Variants in C5 observed in about 807,000 individuals in gnomAD.
C5 encodes the protein complement C5, also known as C3 and PZP-like alpha-2-macroglobulin domain-containing protein 4.
Under a neutral mutation model 218.8 loss-of-function variants are expected in C5, and 140 were observed. The ratio of observed to expected loss-of-function variants is 0.64; its 90% CI spans 0.56 to 0.74. The LOEUF is 0.74. Ranked by LOEUF, C5 falls within the 30% of genes least tolerant of loss-of-function variation. The probability of loss-of-function intolerance (pLI) is 0.00; values close to 1 mark genes in which losing one functional copy is unlikely to be tolerated. For missense variants in C5, 1,700 were observed against 1,969.6 expected (o/e 0.86, Z 2.59); for synonymous variants, 614 against 682.3 (o/e 0.90, Z 1.56).
At chr9:120,987,229 T>C (rs1488635180) in intron 25 of C5, among the ~76,000 whole-genome samples, 4 of 152,034 alleles carry the variant, frequency 2.6e-5, no homozygotes, top group African/African-American at 9.7e-5. Flanking sequence ...CCTTGAGACA[T>C]TGATTAGGGG....
At chr9:121,072,465 C>T in the C5 span, among the ~76,000 whole-genome samples, 1 of 152,008 alleles carries the variant, frequency 6.6e-6, no homozygotes, top group Non-Finnish European at 1.5e-5. Context: ...AACTCAGCAA[C>T]GTACACATTC....
Position 120,974,834 on chromosome 9 carries a change from C to T in C5, c.3962G>A (p.Gly1321Asp), listed in dbSNP as rs149947699. The T allele has an allele frequency of 1.9e-6, 3 of 1,613,894 alleles. No individual in the cohort carries two copies. Among genetic ancestry groups the T allele is most frequent in the African/African-American group, 1.3e-5 (1 of 74,926 alleles). Residue 1321 changes from glycine (G) to aspartate (D), a missense_variant, in exon 30 of 41, where the codon GGT (glycine) becomes GAT (aspartate). Transcript: ENST00000223642. ...MDIDVSYKHK[G>D]ALHNYKMTDK... Reference sequence around the variant, plus strand: ...TGTCATTTTATAATTATGTAAGGCACCTTTATGCTTGTAAGAAACATCGAT... The same window carrying T: ...TGTCATTTTATAATTATGTAAGGCATCTTTATGCTTGTAAGAAACATCGAT...
At position 121,037,955 on chromosome 9, in the gene C5, T is replaced by A; in HGVS notation, c.422-4A>T. 7.2e-7 allele frequency: 1 copy of A among 1,397,836 alleles called. No homozygotes were observed. The highest frequency in any genetic ancestry group is 1.0e-6 in the Non-Finnish European group (1 of 1,003,464). 86.6% of individuals were successfully genotyped at this position (1,397,836 alleles called of 1,614,324 possible). On this transcript the variant is annotated splice_polypyrimidine_tract_variant and splice_region_variant and intron_variant, in intron 3 of 40. Coordinates refer to ENST00000223642, the MANE Select transcript of C5 (RefSeq NM_001735.3). Reference sequence around the variant, plus strand: ...AACGAATAAACTCTAACTTTTACTGTAAGAATAATTGATATAATCAAAAAC... The same window carrying A: ...AACGAATAAACTCTAACTTTTACTGAAAGAATAATTGATATAATCAAAAAC...
intron 25 of C5, among the ~76,000 whole-genome samples, chr9:120,986,122 T>C (rs2047030999): frequency 6.6e-6 from 1 of 152,196 alleles, no homozygotes; most frequent in Non-Finnish European, 1.5e-5. Flanking sequence ...TGCTGGCTCC[T>C]GAATTAACCT....
At chr9:121,018,476 AG>A (rs1268151123) in intron 12 of C5, among the ~76,000 whole-genome samples, 19 of 151,234 alleles carry the variant, frequency 1.3e-4, no homozygotes, top group Admixed American at 1.3e-3. Context: ...CGGAAGGCTG[AG>A]GCAGGAGAAT....
At position 120,976,873 on chromosome 9, in the gene C5, T is replaced by G. The variant is rs1400531039; in HGVS notation, c.3691A>C (p.Asn1231His). Reference protein sequence around the residue: ...NPPIYRFWKDNLQHKDSSVPN... With the variant: ...NPPIYRFWKDHLQHKDSSVPN... The stretch of plus-strand genomic sequence containing the variant: ...ACAGAGCTGTCTTTATGCTGAAGAT[T>G]GTCTTTCCAAAAACGATAAATGGGT... The change falls in exon 29 of 41, where the codon AAT becomes CAT. Residue 1231 changes from asparagine (N) to histidine (H), a missense_variant. Asn to His is a moderately conservative substitution (Grantham distance 68, BLOSUM62 1). Coordinates refer to ENST00000223642, the MANE Select transcript of C5 (RefSeq NM_001735.3). 6.8e-6 allele frequency: 11 copies of G among 1,614,178 alleles called. No homozygotes were observed. Among genetic ancestry groups the G allele is most frequent in the Non-Finnish European group, 9.3e-6 (11 of 1,180,000 alleles).
upstream of C5, among the ~76,000 whole-genome samples, chr9:121,053,982 G>C (rs1357733414): frequency 1.3e-5 from 2 of 152,168 alleles, no homozygotes; most frequent in Non-Finnish European, 2.9e-5. Context: ...GGACTAAAGT[G>C]TGTAGACTAA....
At chr9:121,063,272 T>C in the C5 span, among the ~76,000 whole-genome samples, 5 of 151,894 alleles carry the variant, frequency 3.3e-5, no homozygotes, top group African/African-American at 1.2e-4. Context: ...TCAAGTTCAT[T>C]GATTCTTTTT....
chr9:121,018,865 T>C (rs2047339816), intron 12 of C5, among the ~76,000 whole-genome samples: 1 of 152,110 alleles, frequency 6.6e-6, no homozygotes, highest in Non-Finnish European at 1.5e-5. Context: ...ATTTAACTCC[T>C]TTCATTCTCA....
chr9:121,004,458 A>T (rs1020089648), intron 20 of C5, among the ~76,000 whole-genome samples: 14 of 152,182 alleles, frequency 9.2e-5, no homozygotes, highest in African/African-American at 3.4e-4. Context: ...AGGAAAAGGA[A>T]TGATATGTAA....
At chr9:121,031,230 T>C (rs1314142262) in intron 6 of C5, among the ~76,000 whole-genome samples, 2 of 146,838 alleles carry the variant, frequency 1.4e-5, no homozygotes, top group East Asian at 4.2e-4. Flanking sequence ...TAAACTACTA[T>C]AAGAAATGAA....
At chr9:120,974,648 T>C (rs769977713) in intron 30 of C5, 131 bp downstream of exon 30, 61 of 875,656 alleles carry the variant, frequency 7.0e-5, no homozygotes, top group Non-Finnish European at 1.1e-4. Flanking sequence ...CAGGCATCCC[T>C]GTTTAGGACA....
chr9:121,025,613 CG>C, intron 8 of C5, 33 bp from the exon 9 acceptor site: 2 of 1,600,488 alleles, frequency 1.2e-6, no homozygotes, highest in Non-Finnish European at 1.7e-6. Context: ...GGAGTTATTT[CG>C]GAGAAGAACT....
intron 20 of C5, among the ~76,000 whole-genome samples, chr9:120,998,460 A>G (rs1247386405): frequency 6.6e-6 from 1 of 152,062 alleles, no homozygotes; most frequent in Non-Finnish European, 1.5e-5. Flanking sequence ...CATCTTATTC[A>G]TTTTTGTATC....
At chr9:120,970,589 CAAGGCTAAG>C (rs1340244722) in intron 31 of C5, among the ~76,000 whole-genome samples, 1 of 152,176 alleles carries the variant, frequency 6.6e-6, no homozygotes, top group Non-Finnish European at 1.5e-5. Context: ...CACAACAGCA[CAAGGCTAAG>C]AAGTGTGGGT....
At chr9:120,993,214 T>G (rs73662473) in intron 22 of C5, among the ~76,000 whole-genome samples, 1,657 of 152,274 alleles carry the variant, frequency 0.011, 34 homozygotes, top group African/African-American at 0.038. Flanking sequence ...AGTATAACCA[T>G]TCTGAAGGGC....
chr9:121,039,299 C>T (rs543135591), intron 3 of C5, among the ~76,000 whole-genome samples: 2 of 152,220 alleles, frequency 1.3e-5, no homozygotes, highest in East Asian at 1.9e-4. Context: ...GTCTTCACAG[C>T]GATGGTACAT....
chr9:121,002,520 GAC>G (rs1485652670), intron 20 of C5, among the ~76,000 whole-genome samples: 3 of 151,472 alleles, frequency 2.0e-5, no homozygotes, highest in Admixed American at 1.3e-4. Flanking sequence ...GTTTAAGAGT[GAC>G]ACCTCCTTAA....
chr9:120,960,435 C>A, intron 37 of C5, 98 bp from the exon 38 acceptor site: 1 of 774,860 alleles, frequency 1.3e-6, no homozygotes, highest in Admixed American at 1.9e-5. Flanking sequence ...AGAGACAACC[C>A]AATATAACCT....
Sources: allele counts gnomAD v4.1 joint callset (sites outside exome capture counted in the v4.1 genomes callset), GRCh38; gene constraint gnomAD v4.1.1; transcripts MANE v1.5; gene names NCBI Gene and HGNC (gene_info 2026-07-23, HGNC 2026-07-21).